The following PHF19 variants were observed in gnomAD, a reference collection of about 807,000 sequenced individuals.
The protein encoded by PHF19 is PHD finger protein 19.
PHF19 carries 21 observed loss-of-function variants against 79.8 expected under a neutral mutation model. The observed-to-expected ratio is 0.26, with a 90% CI of 0.19 to 0.38. PHF19 has a LOEUF of 0.38. Among genes scored for constraint, PHF19 ranks in the 10% least tolerant of loss-of-function variants. PHF19 has a pLI of 1.00. For synonymous variants in PHF19, 273 were observed against 296.3 expected, an observed-to-expected ratio of 0.92 and a Z score of 0.81; for missense variants, 445 against 744.2, an observed-to-expected ratio of 0.60 and a Z score of 4.68.
At chr9:120,877,251 G>C (rs914708776), upstream of PHF19, 2 of 905,064 alleles carry the variant, frequency 2.2e-6, no homozygotes, top group African/African-American at 3.6e-5. Flanking sequence ...GGCGCCGCGG[G>C]GAGGAGGGGG....
Position 120,874,001 on chromosome 9 carries a change from G to A in PHF19, c.246C>T (p.Val82=). 6.2e-7 allele frequency: 1 copy of A among 1,602,840 alleles called. No homozygotes were observed. The change falls in exon 3 of 15, where the codon GTC becomes GTT. Residue 82 remains valine, a synonymous_variant. Coordinates refer to ENST00000373896, the MANE Select transcript of PHF19 (RefSeq NM_015651.3). This position sits in a 1 kb window ranked among gnomAD's most constrained non-coding sequence, Gnocchi z 4.5. ...CACCATGCTGTATGTCCTTCCATAGGACCCAGTATTTGGAATTATCTTCGA... is the reference window on the plus strand; with the variant it reads ...CACCATGCTGTATGTCCTTCCATAGAACCCAGTATTTGGAATTATCTTCGA... The part of the protein sequence containing the change: ...VTFEDNSKYW[V]LWKDIQHAGV...
intron 1 of PHF19, among the ~76,000 whole-genome samples, chr9:120,886,190 C>T (rs1308906031): frequency 6.6e-6 from 1 of 152,202 alleles, no homozygotes; most frequent in African/African-American, 2.4e-5. Flanking sequence ...CTGTGTGGGA[C>T]ATCCCTCAGG....
chr9:120,886,686 G>T (rs995629772), intron 1 of PHF19, among the ~76,000 whole-genome samples: 1 of 152,174 alleles, frequency 6.6e-6, no homozygotes, highest in East Asian at 1.9e-4. Flanking sequence ...TGTAGTCACC[G>T]CCCTCTGGCA....
chr9:120,864,654 G>A (rs1358774269), intron 9 of PHF19, among the ~76,000 whole-genome samples: 2 of 152,182 alleles, frequency 1.3e-5, no homozygotes, highest in East Asian at 3.8e-4. Context: ...CTGCACTCCA[G>A]CCTGGGCGAC....
chr9:120,894,799 G>A (rs1352804030), exon 1 of PHF19: 95 of 1,230,444 alleles, frequency 7.7e-5, no homozygotes, highest in Non-Finnish European at 9.4e-5. Context: ...TGGGCGCTGG[G>A]ATAGGGACCA....
the PHF19 span, among the ~76,000 whole-genome samples, chr9:120,900,947 C>CAGGGTTGCCTG: frequency 6.6e-6 from 1 of 152,188 alleles, no homozygotes; most frequent in Non-Finnish European, 1.5e-5. Context: ...CCTTACTGCC[C>CAGGGTTGCCTG]AGGGTTGCCT....
chr9:120,896,139 G>T (rs1420110301), upstream of PHF19, among the ~76,000 whole-genome samples: 1 of 152,176 alleles, frequency 6.6e-6, no homozygotes, highest in African/African-American at 2.4e-5. Flanking sequence ...GCCTCAGGAG[G>T]TTGTTGTGAG....
chr9:120,877,549 C>T (rs1430211456), upstream of PHF19, among the ~76,000 whole-genome samples: 2 of 152,104 alleles, frequency 1.3e-5, no homozygotes, highest in Middle Eastern at 3.4e-3. Context: ...CCAGGCAGCG[C>T]TCATGGCGCA....
rs772248508 is a variant in PHF19 at position 120,860,222 on chromosome 9, G to T, written c.1305-37C>A. ...AAGACCGTGAGCCTGCTGGTGGCCC[G>T]GCCCAGCAAGTTCCTGCCAACCTGG... On this transcript the variant is annotated intron_variant, in intron 13 of 14. Coordinates refer to ENST00000373896, the MANE Select transcript of PHF19 (RefSeq NM_015651.3). This position sits in a 1 kb window ranked among gnomAD's most constrained non-coding sequence, Gnocchi z 4.1. 2 of 1,209,910 alleles carry T rather than the reference G, an allele frequency of 1.7e-6. No individual in the cohort carries two copies. Among genetic ancestry groups the T allele is most frequent in the African/African-American group, 1.5e-5 (1 of 66,742 alleles). The allele number at this position is 1,209,910 out of a possible 1,614,324, so 74.9% of individuals were successfully genotyped here.
chr9:120,880,163 T>C (rs1415387972), upstream of PHF19, among the ~76,000 whole-genome samples: 1 of 152,148 alleles, frequency 6.6e-6, no homozygotes, highest in African/African-American at 2.4e-5. Context: ...CAGCGCATAA[T>C]TGTGAAAATT....
At chr9:120,895,426 T>TA (rs1157854376), upstream of PHF19, among the ~76,000 whole-genome samples, 2 of 83,032 alleles carry the variant, frequency 2.4e-5, no homozygotes, top group Admixed American at 1.1e-4. Context: ...CTCAAAAAAA[T>TA]AAAAAATATG....
upstream of PHF19, among the ~76,000 whole-genome samples, chr9:120,879,255 C>T (rs920137777): frequency 1.3e-4 from 20 of 152,352 alleles, no homozygotes; most frequent in African/African-American, 4.8e-4. Context: ...GATTGCCCCA[C>T]TGTGTGGGAC....
At chr9:120,896,599 G>C (rs1007143065), upstream of PHF19, among the ~76,000 whole-genome samples, 2 of 151,738 alleles carry the variant, frequency 1.3e-5, no homozygotes, top group East Asian at 3.9e-4. Context: ...CTACAGGCAC[G>C]CGCCACCACG....
chr9:120,872,327 G>A lies in PHF19; in HGVS notation c.268+1652C>T, dbSNP rs1453660832. ...ATGCTAGAGGGTCACCATTCTGCCCGGAAGGGGCAGTTCTGGCTAGGAGAC... is the reference window on the plus strand; with the variant it reads ...ATGCTAGAGGGTCACCATTCTGCCCAGAAGGGGCAGTTCTGGCTAGGAGAC... On this transcript the variant is annotated intron_variant, in intron 3 of 14. Coordinates refer to ENST00000373896, the MANE Select transcript of PHF19 (RefSeq NM_015651.3). Among the ~76,000 whole-genome samples the A allele has an allele frequency of 3.3e-5, 5 of 152,192 alleles. No homozygotes were observed. In the South Asian group the frequency reaches 6.2e-4, roughly 19 times the overall value.
upstream of PHF19, among the ~76,000 whole-genome samples, chr9:120,899,044 C>T (rs1176083637): frequency 6.6e-6 from 1 of 151,612 alleles, no homozygotes; most frequent in Non-Finnish European, 1.5e-5. Context: ...CCTAAAAATA[C>T]AAAAATTAGC....
At chr9:120,861,868 T>C (rs1392272041) in intron 12 of PHF19, 50 bp downstream of exon 12, 12 of 1,292,212 alleles carry the variant, frequency 9.3e-6, no homozygotes, top group Admixed American at 1.7e-5. Context: ...AGCCCTAATA[T>C]GTGCTGACCC....
chr9:120,892,576 C>G (rs2046356481), intron 1 of PHF19, among the ~76,000 whole-genome samples: 1 of 152,136 alleles, frequency 6.6e-6, no homozygotes, highest in Admixed American at 6.5e-5. Flanking sequence ...GTTTTAGCTG[C>G]TAGAAAGGTC....
chr9:120,894,951 T>A, upstream of PHF19: 1 of 428,248 alleles, frequency 2.3e-6, no homozygotes, highest in Non-Finnish European at 3.8e-6. Context: ...TCCGCCAGCC[T>A]CGGCTCCACC....
Position 120,866,486 on chromosome 9 carries a change from C to T in PHF19, c.710+384G>A, listed in dbSNP as rs937836149. ...CATAAGGACTCCATTAGCTTTGCTC[C>T]GTCGGTTAGAAGCCACATTAAGCCA... On this transcript the variant is annotated intron_variant, in intron 7 of 14. Transcript: ENST00000373896. The surrounding 1 kb of genome is among the most constrained non-coding windows in gnomAD (Gnocchi z 5.2). Among the ~76,000 whole-genome samples the T allele has an allele frequency of 3.9e-5, 6 of 152,290 alleles. No individual in the cohort carries two copies. Among genetic ancestry groups the T allele is most frequent in the Admixed American group, 1.3e-4 (2 of 15,292 alleles).
Sources: allele counts gnomAD v4.1 joint callset (sites outside exome capture counted in the v4.1 genomes callset), GRCh38; gene constraint gnomAD v4.1.1; non-coding constraint Gnocchi (gnomAD v3.1); transcripts MANE v1.5; gene names NCBI Gene and HGNC (gene_info 2026-07-23, HGNC 2026-07-21).